Variants in FOXP1 observed in about 807,000 individuals in gnomAD.
The protein encoded by FOXP1 is forkhead box protein P1.
Under a neutral mutation model 98.2 loss-of-function variants are expected in FOXP1, and 15 were observed. That is an observed-to-expected ratio of 0.15 (90% CI 0.10 to 0.24). The LOEUF is 0.24. Among genes scored for constraint, FOXP1 ranks in the 10% least tolerant of loss-of-function variants. FOXP1 has a pLI of 1.00. For synonymous variants in FOXP1, 371 were observed against 314.5 expected (o/e 1.18, Z -1.90); for missense variants, 633 against 848.5 (o/e 0.75, Z 3.15).
chr3:71,158,754 G>A (rs1168442096), intron 6 of FOXP1, among the ~76,000 whole-genome samples: 5 of 147,438 alleles, frequency 3.4e-5, no homozygotes, highest in Non-Finnish European at 6.0e-5. Flanking sequence ...AAAGGTAAAT[G>A]GTGATCACAA....
intron 2 of FOXP1, among the ~76,000 whole-genome samples, chr3:71,554,527 C>T (rs938924260): frequency 2.0e-4 from 31 of 151,956 alleles, no homozygotes; most frequent in African/African-American, 7.0e-4. Context: ...TGTTTGATTC[C>T]GTGTACTGGA....
At chr3:71,278,388 C>G (rs2071145915) in intron 5 of FOXP1, among the ~76,000 whole-genome samples, 1 of 152,106 alleles carries the variant, frequency 6.6e-6, no homozygotes, top group Non-Finnish European at 1.5e-5. Flanking sequence ...AAAAGGTGGT[C>G]TATGGTATCT....
At chr3:71,508,676 T>C (rs149499650) in intron 2 of FOXP1, among the ~76,000 whole-genome samples, 335 of 152,320 alleles carry the variant, frequency 2.2e-3, no homozygotes, top group Non-Finnish European at 3.9e-3. Flanking sequence ...CAAAACATCG[T>C]TAAGGCAATG....
chr3:71,531,311 A>AG (rs1420848483), intron 2 of FOXP1, among the ~76,000 whole-genome samples: 1 of 152,192 alleles, frequency 6.6e-6, no homozygotes, highest in Non-Finnish European at 1.5e-5. Flanking sequence ...CATTTCCACT[A>AG]GCACAGGCAG....
chr3:71,524,780 G>C (rs991036422), intron 2 of FOXP1, among the ~76,000 whole-genome samples: 2 of 152,190 alleles, frequency 1.3e-5, no homozygotes. Context: ...GCAGTAATCA[G>C]AAAATGTTTG....
chr3:71,454,112 T>C (rs780442280), intron 3 of FOXP1, among the ~76,000 whole-genome samples: 1 of 152,206 alleles, frequency 6.6e-6, no homozygotes, highest in Non-Finnish European at 1.5e-5. Context: ...CTTTGTAAGA[T>C]GTCCCTTCTC....
chr3:70,961,144 ATTTC>A lies in FOXP1; in HGVS notation c.1890-1757_1890-1754del, dbSNP rs895132902. On this transcript the variant is annotated intron_variant, in intron 20 of 20. Transcript: ENST00000649528. The stretch of plus-strand genomic sequence containing the variant: ...ACTGCGCCCGGCTGCTAAAAAAATA[ATTTC>A]TTTATTCTTAAAAACTTTGCAAAAC... 4.0e-3 allele frequency among the ~76,000 whole-genome samples: 604 copies of A among 151,490 alleles called. 5 individuals carry two copies. Among genetic ancestry groups the A allele is most frequent in the African/African-American group, 0.013 (549 of 41,296 alleles).
chr3:71,048,179 A>G (rs569094349), intron 9 of FOXP1, among the ~76,000 whole-genome samples: 2 of 152,328 alleles, frequency 1.3e-5, no homozygotes, highest in African/African-American at 2.4e-5. Flanking sequence ...GAACAAGATC[A>G]GTGTTCCTAA....
intron 6 of FOXP1, among the ~76,000 whole-genome samples, chr3:71,192,796 T>C (rs1479509405): frequency 6.6e-6 from 1 of 152,024 alleles, no homozygotes; most frequent in Non-Finnish European, 1.5e-5. Flanking sequence ...ACCACAGGCA[T>C]GTGCCATCAC....
At chr3:71,457,714 C>A (rs2087638466) in intron 3 of FOXP1, among the ~76,000 whole-genome samples, 1 of 152,194 alleles carries the variant, frequency 6.6e-6, no homozygotes, top group Admixed American at 6.5e-5. Flanking sequence ...AAGGGCTTAA[C>A]CACTGGGTCA....
chr3:70,962,864 G>C (rs1320639115), intron 20 of FOXP1, among the ~76,000 whole-genome samples: 1 of 152,118 alleles, frequency 6.6e-6, no homozygotes, highest in African/African-American at 2.4e-5. Flanking sequence ...TATAATTTTA[G>C]ACTTTGACCA....
chr3:71,359,022 G>T (rs1281496084), intron 4 of FOXP1, 128 bp downstream of exon 4: 1 of 152,176 alleles, frequency 6.6e-6, no homozygotes, highest in Non-Finnish European at 1.5e-5. Context: ...GCTAGCTTCA[G>T]AATCAGGGCC....
intron 3 of FOXP1, among the ~76,000 whole-genome samples, chr3:71,491,056 A>G (rs1229145642): frequency 6.6e-6 from 1 of 151,986 alleles, no homozygotes; most frequent in Non-Finnish European, 1.5e-5. Context: ...CACTTTCTCA[A>G]CCAGGCTGGA....
intron 6 of FOXP1, among the ~76,000 whole-genome samples, chr3:71,137,261 A>T (rs903080511): frequency 2.0e-5 from 3 of 152,168 alleles, no homozygotes; most frequent in Non-Finnish European, 4.4e-5. Context: ...CTGGCTTTCA[A>T]ACTGACACTT....
intron 2 of FOXP1, among the ~76,000 whole-genome samples, chr3:71,566,365 T>C (rs1390661980): frequency 6.6e-6 from 1 of 152,194 alleles, no homozygotes; most frequent in Admixed American, 6.6e-5. Context: ...AGCCACATTC[T>C]CGTTCCCCAA....
At chr3:71,535,317 G>A (rs2044200108) in intron 2 of FOXP1, among the ~76,000 whole-genome samples, 1 of 152,060 alleles carries the variant, frequency 6.6e-6, no homozygotes, top group African/African-American at 2.4e-5. Context: ...AACTTAATAG[G>A]TCCACTCAGA....
intron 7 of FOXP1, among the ~76,000 whole-genome samples, chr3:71,076,843 G>A (rs1413260885): frequency 6.6e-6 from 1 of 152,152 alleles, no homozygotes; most frequent in Non-Finnish European, 1.5e-5. Flanking sequence ...TTTCCTCCAA[G>A]TTAGCAGAGT....
At chr3:71,151,308 A>G (rs980985503) in intron 6 of FOXP1, among the ~76,000 whole-genome samples, 1 of 152,216 alleles carries the variant, frequency 6.6e-6, no homozygotes, top group Non-Finnish European at 1.5e-5. Flanking sequence ...CACCCATATA[A>G]GTTAAATTGG....
Position 70,955,409 on chromosome 3 carries a change from C to A in FOXP1, c.*3838G>T. The A allele has an allele frequency of 4.3e-6, 1 of 232,730 alleles. No homozygotes were observed. Among genetic ancestry groups the A allele is most frequent in the Non-Finnish European group, 8.5e-6 (1 of 117,756 alleles). The allele number at this position is 232,730 out of a possible 1,614,324, so 14.4% of individuals were successfully genotyped here. ...TCCATTTTGTGGCTGGTCCAAGGGGCAGCCTAACTCATCTTACAAGACGGA... is the reference window on the plus strand; with the variant it reads ...TCCATTTTGTGGCTGGTCCAAGGGGAAGCCTAACTCATCTTACAAGACGGA... On this transcript the variant is annotated 3_prime_UTR_variant, in exon 21 of 21. Transcript: ENST00000649528.
Sources: allele counts gnomAD v4.1 joint callset (sites outside exome capture counted in the v4.1 genomes callset), GRCh38; gene constraint gnomAD v4.1.1; transcripts MANE v1.5; gene names NCBI Gene and HGNC (gene_info 2026-07-23, HGNC 2026-07-21).